Variants in ANGEL1 observed in about 807,000 individuals in gnomAD.
The protein encoded by ANGEL1 is angel homolog 1.
Under a neutral mutation model 76.4 loss-of-function variants are expected in ANGEL1, and 62 were observed. The observed-to-expected ratio is 0.81, with a 90% CI of 0.66 to 1.00. The LOEUF (loss-of-function observed/expected upper bound fraction) is 1.00. Ranked by LOEUF, ANGEL1 falls within the 50% of genes least tolerant of loss-of-function variation. ANGEL1 has a pLI of 0.00. For missense variants in ANGEL1, 737 were observed against 836.7 expected (o/e 0.88, Z 1.47); for synonymous variants, 340 against 331.7 (o/e 1.03, Z -0.27).
At chr14:76,796,779 A>G (rs1341720153) in intron 7 of ANGEL1, among the ~76,000 whole-genome samples, 1 of 152,240 alleles carries the variant, frequency 6.6e-6, no homozygotes, top group Non-Finnish European at 1.5e-5. Flanking sequence ...AGAAAGATCA[A>G]TTAAAGCCTT....
rs913512107 is a variant in ANGEL1, at chr14:76,787,886, C to G, written c.*1342G>C. 1.3e-5 allele frequency: 2 copies of G among 152,648 alleles called. No homozygotes were observed. The highest frequency in any genetic ancestry group is 4.8e-5 in the African/African-American group (2 of 41,460). 9.5% of individuals were successfully genotyped at this position (152,648 alleles called of 1,614,324 possible). ...GAAAGATTAAGGCATGCAGGTGACA[C>G]AGTGTGGACTAAGGAGTCCCCTGAA... On this transcript the variant is annotated 3_prime_UTR_variant, in exon 10 of 10. Transcript: ENST00000251089.
chr14:76,804,490 A>C (rs1894858210), intron 5 of ANGEL1: 1 of 980,082 alleles, frequency 1.0e-6, no homozygotes. Flanking sequence ...CGTGTGTAGC[A>C]AAAGTCCCTT....
At chr14:76,796,707 C>T (rs186719620) in intron 7 of ANGEL1, among the ~76,000 whole-genome samples, 1 of 152,212 alleles carries the variant, frequency 6.6e-6, no homozygotes, top group Non-Finnish European at 1.5e-5. Flanking sequence ...TATCATCCGA[C>T]ATGTTACTTA....
In ANGEL1 at chr14:76,791,288, G is replaced by A. The variant is rs1243778542; in HGVS notation, c.1688+9C>T. ...GGATTGAAAACAGAAGAGAACTGGA[G>A]AAGGTTACCTGGAGAAGGCAGGCTC... On this transcript the variant is annotated intron_variant, in intron 8 of 9. Transcript: ENST00000251089. The A allele has an allele frequency of 6.2e-7, 1 of 1,614,046 alleles. No homozygotes were observed. The highest frequency in any genetic ancestry group is 1.3e-5 in the African/African-American group (1 of 75,056).
chr14:76,796,432 T>G (rs926090838), intron 7 of ANGEL1, among the ~76,000 whole-genome samples: 4 of 152,000 alleles, frequency 2.6e-5, no homozygotes, highest in Non-Finnish European at 5.9e-5. Context: ...ATTTTTCCAT[T>G]TTGTGTAGAG....
intron 7 of ANGEL1, among the ~76,000 whole-genome samples, chr14:76,796,068 CTA>C (rs1399061410): frequency 6.6e-6 from 1 of 151,866 alleles, no homozygotes; most frequent in African/African-American, 2.4e-5. Context: ...TAATATAACT[CTA>C]TGATTCTAAA....
At chr14:76,811,917 A>G (rs566718628) in intron 1 of ANGEL1, among the ~76,000 whole-genome samples, 1 of 152,332 alleles carries the variant, frequency 6.6e-6, no homozygotes, top group South Asian at 2.1e-4. Context: ...GTAAAGTTCC[A>G]CAAAGGAAAA....
chr14:76,796,437 G>A (rs1894580944), intron 7 of ANGEL1, among the ~76,000 whole-genome samples: 1 of 151,562 alleles, frequency 6.6e-6, no homozygotes, highest in Non-Finnish European at 1.5e-5. Flanking sequence ...TCCATTTTGT[G>A]TAGAGACAGG....
chr14:76,809,895 G>A (rs947963773), intron 1 of ANGEL1, among the ~76,000 whole-genome samples: 2 of 152,202 alleles, frequency 1.3e-5, no homozygotes, highest in Non-Finnish European at 2.9e-5. Context: ...AATATTCAGT[G>A]CATGAAAGAA....
chr14:76,786,746 C>T lies in ANGEL1; in HGVS notation c.*2482G>A, dbSNP rs535150076. The T allele has an allele frequency of 6.6e-6, 1 of 152,358 alleles. No homozygotes were observed. The highest frequency in any genetic ancestry group is 1.9e-4 in the East Asian group (1 of 5,178). 9.4% of individuals were successfully genotyped at this position (152,358 alleles called of 1,614,324 possible). On this transcript the variant is annotated 3_prime_UTR_variant, in exon 10 of 10. Coordinates refer to ENST00000251089, the MANE Select transcript of ANGEL1 (RefSeq NM_015305.4). ...AGACATTTTTCCAGCGACAGATGGC[C>T]CACTGCTCAGCCCTGGCTCCAGAAT...
At chr14:76,800,009 G>A (rs1220351643) in intron 7 of ANGEL1, among the ~76,000 whole-genome samples, 1 of 152,076 alleles carries the variant, frequency 6.6e-6, no homozygotes, top group African/African-American at 2.4e-5. Context: ...AGTATGTGGA[G>A]AATAAGTATG....
chr14:76,799,697 A>G (rs1195813356), intron 7 of ANGEL1, among the ~76,000 whole-genome samples: 3 of 152,110 alleles, frequency 2.0e-5, no homozygotes, highest in African/African-American at 4.8e-5. Context: ...CTTGAGCTCA[A>G]GAGTTCGGGA....
At chr14:76,796,157 ATTG>A (rs1200733375) in intron 7 of ANGEL1, among the ~76,000 whole-genome samples, 3 of 151,814 alleles carry the variant, frequency 2.0e-5, no homozygotes, top group South Asian at 4.2e-4. Flanking sequence ...TATTTTCATT[ATTG>A]TTATTTTCTA....
intron 7 of ANGEL1, among the ~76,000 whole-genome samples, chr14:76,801,274 C>A (rs1387095162): frequency 6.6e-6 from 1 of 152,002 alleles, no homozygotes; most frequent in Non-Finnish European, 1.5e-5. Context: ...CCATGCCTGG[C>A]TAATTTTTTG....
intron 1 of ANGEL1, chr14:76,812,489 G>A (rs1275336041): frequency 1.6e-6 from 2 of 1,220,832 alleles, no homozygotes; most frequent in African/African-American, 3.1e-5. Context: ...GGCCCTGCCC[G>A]TCCACAGCTC....
rs955624654 is a variant in ANGEL1 at position 76,786,924 on chromosome 14, G to A, written c.*2304C>T. The A allele has an allele frequency of 1.3e-5, 2 of 152,238 alleles. No individual in the cohort carries two copies. Among genetic ancestry groups the A allele is most frequent in the African/African-American group, 2.4e-5 (1 of 41,440 alleles). The allele number at this position is 152,238 out of a possible 1,614,324, so 9.4% of individuals were successfully genotyped here. ...TGCAGAAGATACTAGGAGGAGGCATGGGGGGAGCAGATGGAGGAAGAATGA... is the reference window on the plus strand; with the variant it reads ...TGCAGAAGATACTAGGAGGAGGCATAGGGGGAGCAGATGGAGGAAGAATGA... On this transcript the variant is annotated 3_prime_UTR_variant, in exon 10 of 10. Transcript: ENST00000251089.
In ANGEL1 at chr14:76,806,503, G is replaced by A. The variant is rs753354838; in HGVS notation, c.1293C>T (p.Cys431=). ...AATCAGGGACAGAATTTAGGTCCCC[G>A]CACAAGATGATGGGGCAGTGGCTGC... is the stretch of plus-strand genomic sequence containing the variant. The part of the protein sequence containing the change: ...SDGSHCPIIL[C]GDLNSVPDSP... Residue 431 remains cysteine, a synonymous_variant, in exon 5 of 10, where the codon TGC becomes TGT. Transcript: ENST00000251089. 14 of 1,614,014 alleles carry A rather than the reference G, an allele frequency of 8.7e-6. No individual in the cohort carries two copies. The highest frequency in any genetic ancestry group is 1.6e-4 in the Middle Eastern group (1 of 6,066).
Position 76,806,785 on chromosome 14 carries a change from C to T in ANGEL1, c.1011G>A (p.Lys337=). ...CACAGAGCAGGCGGAATCTGGTAGG[C>T]TTGTAGCAGACAGCACAGCCATCGG... The part of the protein sequence containing the change: ...CKTDGCAVCY[K]PTRFRLLCAS... The change falls in exon 5 of 10, where the codon AAG becomes AAA. Residue 337 remains lysine, a synonymous_variant. Transcript: ENST00000251089. 4.3e-6 allele frequency: 7 copies of T among 1,614,206 alleles called. No homozygotes were observed. The highest frequency in any genetic ancestry group is 5.9e-6 in the Non-Finnish European group (7 of 1,180,050).
rs151090155 is a variant in ANGEL1 at position 76,795,813 on chromosome 14, C to T, written c.1619-4447G>A. On this transcript the variant is annotated intron_variant, in intron 7 of 9. Transcript: ENST00000251089. ...AAAAAACCCTTGTGATTCTTGATTC[C>T]GCTGCATCTGGATGCTTGTTCCTGC... Among the ~76,000 whole-genome samples the T allele has an allele frequency of 3.3e-3, 496 of 152,276 alleles. 2 individuals carry two copies. The highest frequency in any genetic ancestry group is 0.012 in the African/African-American group (481 of 41,544).
Sources: allele counts gnomAD v4.1 joint callset (sites outside exome capture counted in the v4.1 genomes callset), GRCh38; gene constraint gnomAD v4.1.1; transcripts MANE v1.5; gene names NCBI Gene and HGNC (gene_info 2026-07-23, HGNC 2026-07-21).